The following RTL9 variants were observed in gnomAD, a reference collection of about 807,000 sequenced individuals.
The protein encoded by RTL9 is retrotransposon Gag like 9, also known as retrotransposon Gag-like protein 9.
In RTL9, 19 loss-of-function variants were observed where a neutral mutation model predicts 44.7. The observed-to-expected ratio is 0.42, with a 90% confidence interval of 0.30 to 0.62. The LOEUF is 0.62. RTL9 is among the 20% of genes least tolerant of loss of function. The pLI, the probability that RTL9 is intolerant of heterozygous loss-of-function variation, is 0.16. For synonymous variants in RTL9, 407 were observed against 398.9 expected, an observed-to-expected ratio of 1.02 and a Z score of -0.24; for missense variants, 1,105 against 1,080.6, an observed-to-expected ratio of 1.02 and a Z score of -0.32.
intron 1 of RTL9, among the ~76,000 whole-genome samples, chrX:110,363,091 G>A (rs1457198799): frequency 4.5e-5 from 5 of 111,900 alleles, no homozygotes; most frequent in Non-Finnish European, 9.4e-5. Context: ...CATATGCCAT[G>A]CAGCACACTA....
chrX:110,379,839 A>G (rs1402459678), intron 1 of RTL9, among the ~76,000 whole-genome samples: 3 of 112,342 alleles, frequency 2.7e-5, no homozygotes, highest in Admixed American at 9.4e-5. Context: ...CCCTAAATAT[A>G]TCAATTTAAT....
chrX:110,410,064 G>A (rs954507253), intron 1 of RTL9, among the ~76,000 whole-genome samples: 2 of 111,874 alleles, frequency 1.8e-5, no homozygotes, highest in African/African-American at 6.5e-5. Flanking sequence ...ATTTTGATGA[G>A]GAACCCAGTT....
At chrX:110,406,409 A>C (rs1189112057) in intron 1 of RTL9, among the ~76,000 whole-genome samples, 2 of 111,656 alleles carry the variant, frequency 1.8e-5, no homozygotes, top group African/African-American at 6.5e-5. Flanking sequence ...TTCCAGCTTC[A>C]TCCATGTCCC....
Position 110,375,568 on chromosome X carries a change from C to G in RTL9, c.-168+16652C>G, listed in dbSNP as rs779390753. On this transcript the variant is annotated intron_variant, in intron 1 of 2. Coordinates refer to the RTL9 transcript ENST00000520821. ...TGAATGAATGAATGAATGAATCAAT[C>G]AATCAATCAATTAGAGCCTGCCCTG... is the stretch of plus-strand genomic sequence containing the variant. Among the ~76,000 whole-genome samples, 224 of 111,518 alleles carry G rather than the reference C, an allele frequency of 2.0e-3. 1 individual carries two copies. The highest frequency in any genetic ancestry group is 6.7e-3 in the African/African-American group (205 of 30,591).
exon 1 of RTL9, chrX:110,452,349 C>T: frequency 8.3e-7 from 1 of 1,211,368 alleles, no homozygotes; most frequent in Non-Finnish European, 1.1e-6. Flanking sequence ...AATGTCCACC[C>T]CACTAATGAC....
chrX:110,377,819 C>T lies in RTL9; in HGVS notation c.-168+18903C>T, dbSNP rs189036889. Among the ~76,000 whole-genome samples the T allele has an allele frequency of 5.2e-4, 57 of 108,610 alleles. No individual in the cohort carries two copies. The East Asian group carries it at 0.016, about 30-fold the overall frequency. 94.3% of individuals were successfully genotyped at this position (108,610 alleles called of 115,157 possible). On this transcript the variant is annotated intron_variant, in intron 1 of 2. Transcript: ENST00000520821. ...GGTCAGGAGATCGAGACCATCCTGGCTAACACGGTGAAACCCCGTCTCTAC... is the reference window on the plus strand; with the variant it reads ...GGTCAGGAGATCGAGACCATCCTGGTTAACACGGTGAAACCCCGTCTCTAC...
At chrX:110,452,747 G>T in exon 1 of RTL9, 1 of 1,210,618 alleles carries the variant, frequency 8.3e-7, no homozygotes, top group Non-Finnish European at 1.1e-6. Flanking sequence ...CCTCACTAAT[G>T]AGAGCCAAAG....
intron 1 of RTL9, among the ~76,000 whole-genome samples, chrX:110,406,768 C>T (rs1487243185): frequency 8.9e-6 from 1 of 112,224 alleles, no homozygotes; most frequent in Non-Finnish European, 1.9e-5. Flanking sequence ...TCTTATGCTC[C>T]TCTGCTTTCT....
At chrX:110,423,278 A>C (rs917531489) in intron 1 of RTL9, among the ~76,000 whole-genome samples, 1 of 109,887 alleles carries the variant, frequency 9.1e-6, no homozygotes, top group Non-Finnish European at 1.9e-5. Flanking sequence ...CAGTGAGCCA[A>C]GATTGTGCCA....
intron 1 of RTL9, among the ~76,000 whole-genome samples, chrX:110,362,700 G>C (rs1352501549): frequency 8.9e-6 from 1 of 111,802 alleles, no homozygotes; most frequent in Non-Finnish European, 1.9e-5. Flanking sequence ...CTTACTGACT[G>C]TTCTTTCATA....
At chrX:110,397,632 G>A (rs376708277) in intron 1 of RTL9, among the ~76,000 whole-genome samples, 2 of 111,043 alleles carry the variant, frequency 1.8e-5, no homozygotes, top group African/African-American at 6.6e-5. Context: ...ATGAAGCAGA[G>A]GGGGAGGGAG....
chrX:110,422,210 G>T (rs2068722372), intron 1 of RTL9, among the ~76,000 whole-genome samples: 1 of 112,332 alleles, frequency 8.9e-6, no homozygotes, highest in Admixed American at 9.4e-5. Flanking sequence ...TGTACCTCCA[G>T]TATTGGCCCA....
At chrX:110,387,601 T>C (rs1279942275) in intron 1 of RTL9, among the ~76,000 whole-genome samples, 1 of 111,508 alleles carries the variant, frequency 9.0e-6, no homozygotes, top group African/African-American at 3.3e-5. Flanking sequence ...GGTATTATAA[T>C]ATTACCCTCA....
upstream of RTL9, among the ~76,000 whole-genome samples, chrX:110,447,552 G>A (rs1333276164): frequency 2.7e-5 from 3 of 110,527 alleles, no homozygotes; most frequent in African/African-American, 9.9e-5. Context: ...AGAATGGCCA[G>A]GGCTGAAATC....
chrX:110,409,871 C>A (rs1192056901), intron 1 of RTL9, among the ~76,000 whole-genome samples: 1 of 111,267 alleles, frequency 9.0e-6, no homozygotes, highest in Non-Finnish European at 1.9e-5. Context: ...CACCTGTTGT[C>A]AGGAGCAGAA....
At chrX:110,450,532 G>A, upstream of RTL9, 2 of 822,046 alleles carry the variant, frequency 2.4e-6, no homozygotes, top group South Asian at 4.9e-5. Flanking sequence ...TCTTGATACT[G>A]GCTTTTGACC....
exon 1 of RTL9, chrX:110,451,295 T>C: frequency 1.7e-6 from 2 of 1,212,068 alleles, no homozygotes; most frequent in Non-Finnish European, 2.2e-6. Flanking sequence ...CTCCCAGCTC[T>C]GAGGCAATGT....
rs1453989771 is a variant in RTL9 at position 110,445,139 on chromosome X, CT to C, written c.-167-12del. Reference sequence around the variant, plus strand: ...GCTACCCAGAACACACCTACCCTCTCTTCCATATGACAGCCCTTCAGAGACT... The same window carrying C: ...GCTACCCAGAACACACCTACCCTCTCTCCATATGACAGCCCTTCAGAGACT... On this transcript the variant is annotated splice_polypyrimidine_tract_variant and intron_variant, in intron 1 of 3. Coordinates refer to the RTL9 transcript ENST00000465301. 8.9e-6 allele frequency: 1 copy of C among 112,658 alleles called. No individual in the cohort carries two copies. Among genetic ancestry groups the C allele is most frequent in the Non-Finnish European group, 1.9e-5 (1 of 53,309 alleles). 9.3% of individuals were successfully genotyped at this position (112,658 alleles called of 1,213,427 possible). A position where few individuals can be genotyped will look rare whatever the true frequency, so the allele number is the denominator to read the frequency against.
chrX:110,454,443 G>A, exon 1 of RTL9: 1 of 1,211,893 alleles, frequency 8.3e-7, no homozygotes, highest in Non-Finnish European at 1.1e-6. Flanking sequence ...CAGGTTTCTG[G>A]AAGGACTCTC....
Sources: allele counts gnomAD v4.1 joint callset (sites outside exome capture counted in the v4.1 genomes callset), GRCh38; gene constraint gnomAD v4.1.1; transcripts MANE v1.5; gene names NCBI Gene and HGNC (gene_info 2026-07-23, HGNC 2026-07-21).